Variants in PDE3A observed in about 807,000 individuals in gnomAD.
PDE3A encodes phosphodiesterase 3A.
A neutral mutation model predicts 98.3 loss-of-function variants in PDE3A; 43 were observed. The observed-to-expected ratio is 0.44, with a 90% CI of 0.34 to 0.56. The LOEUF is 0.56. Among genes scored for constraint, PDE3A ranks in the 20% least tolerant of loss-of-function variants. PDE3A has a pLI of 0.01. For missense variants in PDE3A, 1,427 were observed against 1,440.7 expected, an observed-to-expected ratio of 0.99 and a Z score of 0.15; for synonymous variants, 663 against 567.9, an observed-to-expected ratio of 1.17 and a Z score of -2.38.
chr12:20,618,751 A>G (rs1204994251), intron 4 of PDE3A, among the ~76,000 whole-genome samples: 1 of 152,154 alleles, frequency 6.6e-6, no homozygotes, highest in Non-Finnish European at 1.5e-5. Flanking sequence ...AGAAATAGGA[A>G]AAGCTGAAAT....
intron 1 of PDE3A, among the ~76,000 whole-genome samples, chr12:20,500,738 C>T (rs979352988): frequency 1.3e-5 from 2 of 149,248 alleles, no homozygotes; most frequent in Non-Finnish European, 3.0e-5. Context: ...AAAAATTGAT[C>T]GATGTGTAAG....
intron 1 of PDE3A, among the ~76,000 whole-genome samples, chr12:20,372,750 A>G (rs1054416533): frequency 9.8e-5 from 15 of 152,292 alleles, no homozygotes; most frequent in Admixed American, 5.9e-4. Flanking sequence ...AGGAATGTCT[A>G]CTTTCAACTC....
intron 2 of PDE3A, among the ~76,000 whole-genome samples, chr12:20,583,893 A>G (rs1341403533): frequency 6.6e-6 from 1 of 152,216 alleles, no homozygotes; most frequent in Non-Finnish European, 1.5e-5. Context: ...AGAACAGGAA[A>G]GCTGTTCCAT....
chr12:20,540,560 T>G (rs899667842), intron 1 of PDE3A, among the ~76,000 whole-genome samples: 5 of 152,122 alleles, frequency 3.3e-5, no homozygotes, highest in Non-Finnish European at 5.9e-5. Context: ...AAAGTGTAAA[T>G]TGAGGCTAAC....
chr12:20,563,111 A>G (rs1190760965), intron 2 of PDE3A, among the ~76,000 whole-genome samples: 1 of 152,160 alleles, frequency 6.6e-6, no homozygotes, highest in East Asian at 1.9e-4. Flanking sequence ...CTCAAGGATG[A>G]ATTTTGATGA....
intron 1 of PDE3A, among the ~76,000 whole-genome samples, chr12:20,485,367 T>C (rs1945708359): frequency 6.6e-6 from 1 of 152,180 alleles, no homozygotes; most frequent in Non-Finnish European, 1.5e-5. Flanking sequence ...GACTCCAACT[T>C]GATCATCAGC....
At chr12:20,497,918 C>G (rs1008257987) in intron 1 of PDE3A, among the ~76,000 whole-genome samples, 2 of 152,108 alleles carry the variant, frequency 1.3e-5, no homozygotes, top group African/African-American at 2.4e-5. Context: ...TAAACATTAA[C>G]CAGCTCTCAG....
At position 20,672,020 on chromosome 12, in the gene PDE3A, A is replaced by G. The variant is rs1221571926; in HGVS notation, c.3185-8010A>G. Among the ~76,000 whole-genome samples the G allele has an allele frequency of 6.6e-5, 10 of 151,388 alleles. 1 individual carries two copies. The highest frequency in any genetic ancestry group is 2.4e-4 in the African/African-American group (10 of 41,282). ...AGCAAAGTCTCAGGATACAAAATCA[A>G]TGTACAAAAATCACAAGCATTCTTA... On this transcript the variant is annotated intron_variant, in intron 15 of 15. Transcript: ENST00000359062.
intron 1 of PDE3A, among the ~76,000 whole-genome samples, chr12:20,388,424 C>A (rs549193313): frequency 8.5e-5 from 13 of 152,074 alleles, no homozygotes; most frequent in South Asian, 8.3e-4. Flanking sequence ...CACATATATA[C>A]CGAAACATGT....
At chr12:20,520,228 C>T (rs1191207926) in intron 1 of PDE3A, among the ~76,000 whole-genome samples, 1 of 152,174 alleles carries the variant, frequency 6.6e-6, no homozygotes, top group Admixed American at 6.5e-5. Flanking sequence ...AAAAAACCAT[C>T]TATGCCATGA....
At chr12:20,381,636 A>C (rs2120546482) in intron 1 of PDE3A, among the ~76,000 whole-genome samples, 1 of 151,978 alleles carries the variant, frequency 6.6e-6, no homozygotes, top group East Asian at 1.9e-4. Flanking sequence ...GACATTCATT[A>C]GTTTCCAAGA....
intron 1 of PDE3A, among the ~76,000 whole-genome samples, chr12:20,525,507 A>C (rs994689186): frequency 6.6e-6 from 1 of 151,754 alleles, no homozygotes; most frequent in African/African-American, 2.4e-5. Flanking sequence ...TCACCTTATC[A>C]CTGTGTACTT....
intron 1 of PDE3A, among the ~76,000 whole-genome samples, chr12:20,379,485 A>G (rs1462259124): frequency 6.6e-6 from 1 of 151,776 alleles, no homozygotes; most frequent in Admixed American, 6.6e-5. Flanking sequence ...AGGAAGTCAG[A>G]TTCAGATTAA....
chr12:20,590,018 A>T (rs1943297339), intron 2 of PDE3A, among the ~76,000 whole-genome samples: 1 of 152,090 alleles, frequency 6.6e-6, no homozygotes, highest in South Asian at 2.1e-4. Flanking sequence ...CCACCTTGTG[A>T]GTTGGCAACG....
chr12:20,369,705 T>A lies in PDE3A; in HGVS notation c.421T>A (p.Cys141Ser). ...CTCGGCGCTGCTCTTCAGTCTCCTGTGTGCCTTCTTCTGGATGGGCTTGTA... is the reference window on the plus strand; with the variant it reads ...CTCGGCGCTGCTCTTCAGTCTCCTGAGTGCCTTCTTCTGGATGGGCTTGTA... ...QPSALLFSLLCAFFWMGLYLL... is the reference protein window; with the variant it reads ...QPSALLFSLLSAFFWMGLYLL... The change falls in exon 1 of 16, where the codon TGT (cysteine) becomes AGT (serine). Residue 141 changes from cysteine (C) to serine (S), a missense_variant. By Grantham distance (112) the Cys-to-Ser change is moderately radical. Transcript: ENST00000359062. 1 of 1,612,158 alleles carries A rather than the reference T, an allele frequency of 6.2e-7. No individual in the cohort carries two copies. The highest frequency in any genetic ancestry group is 2.2e-5 in the East Asian group (1 of 44,770).
intron 15 of PDE3A, among the ~76,000 whole-genome samples, chr12:20,665,903 T>C (rs1315814453): frequency 6.6e-6 from 1 of 151,954 alleles, no homozygotes; most frequent in Non-Finnish European, 1.5e-5. Flanking sequence ...TCATCAAATG[T>C]GTAATGATTA....
rs2121513735 is a variant in PDE3A, at chr12:20,639,905, G to A, written c.2199G>A (p.Arg733=). 1.3e-6 allele frequency: 2 copies of A among 1,579,604 alleles called. No homozygotes were observed. The highest frequency in any genetic ancestry group is 4.5e-5 in the East Asian group (2 of 44,598). Residue 733 remains arginine (R), a synonymous_variant, in exon 10 of 16, where the codon AGG becomes AGA. Coordinates refer to ENST00000359062, the MANE Select transcript of PDE3A (RefSeq NM_000921.5). The part of the protein sequence containing the change: ...GLFEAFKIPI[R]EFMNYFHALE... ...TTGAAGCTTTTAAAATTCCAATTAGGGAATTTATGAATTATTTTCATGCTT... is the reference window on the plus strand; with the variant it reads ...TTGAAGCTTTTAAAATTCCAATTAGAGAATTTATGAATTATTTTCATGCTT...
intron 7 of PDE3A, among the ~76,000 whole-genome samples, chr12:20,634,624 C>T (rs1944457321): frequency 6.6e-6 from 1 of 152,030 alleles, no homozygotes; most frequent in South Asian, 2.1e-4. Context: ...AAACATAAAG[C>T]TGTAGGATTT....
intron 5 of PDE3A, among the ~76,000 whole-genome samples, chr12:20,621,825 A>C (rs1322119058): frequency 6.6e-6 from 1 of 152,154 alleles, no homozygotes; most frequent in Non-Finnish European, 1.5e-5. Context: ...TAAGGAATTT[A>C]GATATCAAAA....
Sources: allele counts gnomAD v4.1 joint callset (sites outside exome capture counted in the v4.1 genomes callset), GRCh38; gene constraint gnomAD v4.1.1; transcripts MANE v1.5; gene names NCBI Gene and HGNC (gene_info 2026-07-23, HGNC 2026-07-21).